The following MAST2 variants were observed in gnomAD, a reference collection of about 807,000 sequenced individuals.
MAST2 encodes the protein microtubule associated serine/threonine kinase 2.
In MAST2, 70 loss-of-function variants were observed where a neutral mutation model predicts 147.4. The ratio of observed to expected loss-of-function variants is 0.47; its 90% CI spans 0.39 to 0.58. MAST2 has a LOEUF of 0.58. Among genes scored for constraint, MAST2 ranks in the 20% least tolerant of loss-of-function variants. The probability of loss-of-function intolerance (pLI) is 0.00; values close to 1 mark genes in which losing one functional copy is unlikely to be tolerated. For synonymous variants in MAST2, 869 were observed against 896.8 expected (o/e 0.97, Z 0.55); for missense variants, 2,080 against 2,302.3 (o/e 0.90, Z 1.98).
chr1:45,923,123 C>T (rs970945272), intron 4 of MAST2, among the ~76,000 whole-genome samples: 3 of 152,206 alleles, frequency 2.0e-5, no homozygotes, highest in Admixed American at 2.0e-4. Flanking sequence ...GCCCTAGTGC[C>T]CCTCTCTGCC....
intron 9 of MAST2, among the ~76,000 whole-genome samples, chr1:46,009,211 C>T (rs191549639): frequency 9.2e-5 from 14 of 152,214 alleles, no homozygotes; most frequent in African/African-American, 3.1e-4. Context: ...TGCGCCACCA[C>T]GCCCGGCTAA....
At chr1:45,846,864 C>A in intron 3 of MAST2, 1 of 172,346 alleles carries the variant, frequency 5.8e-6, no homozygotes. Flanking sequence ...TTTGAAACTG[C>A]AAATGAAACT....
At chr1:45,995,713 G>A (rs1368240804) in intron 5 of MAST2, among the ~76,000 whole-genome samples, 4 of 152,156 alleles carry the variant, frequency 2.6e-5, no homozygotes, top group African/African-American at 4.8e-5. Flanking sequence ...CACTGTACCC[G>A]GCTCCCTCTA....
chr1:45,906,312 T>A (rs989794821), intron 4 of MAST2, among the ~76,000 whole-genome samples: 1 of 152,152 alleles, frequency 6.6e-6, no homozygotes, highest in Admixed American at 6.5e-5. Context: ...CCTGACCCTG[T>A]GTACACTTAG....
chr1:45,895,775 C>A (rs552828533), intron 4 of MAST2, among the ~76,000 whole-genome samples: 2 of 152,230 alleles, frequency 1.3e-5, no homozygotes, highest in East Asian at 3.9e-4. Flanking sequence ...AATATTACAA[C>A]CAATTCCATT....
At chr1:46,007,451 C>T (rs1035228237) in intron 8 of MAST2, among the ~76,000 whole-genome samples, 4 of 152,136 alleles carry the variant, frequency 2.6e-5, no homozygotes, top group African/African-American at 9.7e-5. Context: ...ACCTTTTAGG[C>T]CAGTTGAGAT....
Position 46,006,317 on chromosome 1 carries a change from A to C in MAST2, c.824A>C (p.Lys275Thr). 1 of 1,614,088 alleles carries C rather than the reference A, an allele frequency of 6.2e-7. No individual in the cohort carries two copies. The highest frequency in any genetic ancestry group is 1.6e-4 in the Middle Eastern group (1 of 6,062). Reference sequence around the variant, plus strand: ...GCTGATGAGCTGCACTTTTTGACGAAGCATTTCAGCACAGAGAGCGTACCA... The same window carrying C: ...GCTGATGAGCTGCACTTTTTGACGACGCATTTCAGCACAGAGAGCGTACCA... ...PTADELHFLT[K>T]HFSTESVPDE... Residue 275 changes from lysine to threonine, a missense_variant, in exon 8 of 29, where the codon AAG becomes ACG. Transcript: ENST00000361297.
intron 1 of MAST2, among the ~76,000 whole-genome samples, chr1:45,813,943 T>G (rs956255942): frequency 1.3e-5 from 2 of 152,254 alleles, no homozygotes; most frequent in Non-Finnish European, 2.9e-5. Context: ...TGAACTATTA[T>G]GCCTGGCTTC....
chr1:45,853,228 A>G (rs899443548), intron 3 of MAST2, among the ~76,000 whole-genome samples: 1 of 151,878 alleles, frequency 6.6e-6, no homozygotes, highest in Non-Finnish European at 1.5e-5. Flanking sequence ...CATGCCCTAA[A>G]ACTATAAACT....
intron 4 of MAST2, among the ~76,000 whole-genome samples, chr1:45,899,513 C>G (rs558099420): frequency 4.0e-4 from 61 of 152,058 alleles, no homozygotes; most frequent in South Asian, 8.3e-4. Flanking sequence ...TTTATGACCA[C>G]ACGTACCCAT....
At chr1:46,000,614 A>G (rs1205621190) in intron 6 of MAST2, among the ~76,000 whole-genome samples, 3 of 152,178 alleles carry the variant, frequency 2.0e-5, no homozygotes, top group African/African-American at 4.8e-5. Context: ...TGCATGGAAC[A>G]TGGATCTCTG....
rs748579768 is a variant in MAST2 at position 46,031,288 on chromosome 1, C to G, written c.2990C>G (p.Pro997Arg). 14 of 1,539,376 alleles carry G rather than the reference C, an allele frequency of 9.1e-6. No homozygotes were observed. The Admixed American group carries it at 2.7e-4, about 30-fold the overall frequency. The change falls in exon 23 of 29, where the codon CCA becomes CGA. Residue 997 changes from proline to arginine, a missense_variant and splice_region_variant. Physicochemically the swap from Pro to Arg is moderately radical, Grantham distance 103. Coordinates refer to ENST00000361297, the MANE Select transcript of MAST2 (RefSeq NM_015112.3). The surrounding 1 kb of genome is among the most constrained non-coding windows in gnomAD (Gnocchi z 4.1). ...EAVGRSSGSSPAMETRGRGTS... is the reference protein window; with the variant it reads ...EAVGRSSGSSRAMETRGRGTS... The stretch of plus-strand genomic sequence containing the variant: ...GTTGGCCGGAGCAGTGGTTCCAGTC[C>G]AGGTATGGCCCAGTGGGCGGCCAAA...
intron 3 of MAST2, among the ~76,000 whole-genome samples, chr1:45,880,345 G>A (rs886362167): frequency 6.6e-6 from 1 of 152,190 alleles, no homozygotes; most frequent in Non-Finnish European, 1.5e-5. Flanking sequence ...TTTTGAGGAA[G>A]TAAAAGTAAT....
chr1:45,926,027 A>G (rs1031542208), intron 4 of MAST2, among the ~76,000 whole-genome samples: 2 of 152,106 alleles, frequency 1.3e-5, no homozygotes, highest in Non-Finnish European at 2.9e-5. Flanking sequence ...AGAAAGCACT[A>G]TTTTCATTTT....
intron 4 of MAST2, among the ~76,000 whole-genome samples, chr1:45,885,687 A>C (rs760468195): frequency 6.6e-6 from 1 of 152,118 alleles, no homozygotes; most frequent in African/African-American, 2.4e-5. Flanking sequence ...TTTTGCCTCC[A>C]TTCACTTTGT....
At chr1:45,997,861 G>C (rs958290602) in intron 6 of MAST2, 62 bp downstream of exon 6, 3 of 1,332,166 alleles carry the variant, frequency 2.3e-6, no homozygotes, top group Non-Finnish European at 3.2e-6. Context: ...AGGGTTAATT[G>C]AATGTCAGAT....
chr1:45,945,135 A>G (rs1404547216), intron 4 of MAST2, among the ~76,000 whole-genome samples: 2 of 152,058 alleles, frequency 1.3e-5, no homozygotes, highest in South Asian at 2.1e-4. Flanking sequence ...TCTTGTCTCT[A>G]TGAAATAATA....
intron 12 of MAST2, among the ~76,000 whole-genome samples, chr1:46,022,680 G>T (rs1646236125): frequency 6.6e-6 from 1 of 152,202 alleles, no homozygotes; most frequent in African/African-American, 2.4e-5. Flanking sequence ...GCCAGGCCCT[G>T]TGAATGGCAA....
intron 5 of MAST2, among the ~76,000 whole-genome samples, chr1:45,971,900 A>G (rs1366509225): frequency 6.6e-6 from 1 of 152,214 alleles, no homozygotes; most frequent in Admixed American, 6.5e-5. Flanking sequence ...AGTAGGATCA[A>G]TAGGTCAGGA....
Sources: gnomAD v4.1 joint callset for allele counts (sites outside exome capture counted in the v4.1 genomes callset) on GRCh38, gnomAD v4.1.1 for gene constraint, Gnocchi (gnomAD v3.1) non-coding constraint, MANE v1.5 for transcripts, NCBI Gene and HGNC (gene_info 2026-07-23, HGNC 2026-07-21) for gene names.